The following PTPRR variants were observed in gnomAD, a reference collection of about 807,000 sequenced individuals.
PTPRR encodes the protein receptor-type tyrosine-protein phosphatase R.
In PTPRR, 38 loss-of-function variants were observed where a neutral mutation model predicts 77.2. That is an observed-to-expected ratio of 0.49 (90% CI 0.38 to 0.65). The LOEUF is 0.65. PTPRR is among the 30% of genes least tolerant of loss of function. The pLI, the probability that PTPRR is intolerant of heterozygous loss-of-function variation, is 0.00. For synonymous variants in PTPRR, 299 were observed against 283.1 expected (o/e 1.06, Z -0.57); for missense variants, 744 against 799.2 (o/e 0.93, Z 0.83).
intron 2 of PTPRR, among the ~76,000 whole-genome samples, chr12:70,872,589 G>A (rs1327540759): frequency 3.3e-5 from 5 of 150,832 alleles, no homozygotes; most frequent in Middle Eastern, 3.4e-3. Context: ...CCAGCTACTC[G>A]GGAGGCTGAG....
chr12:70,639,146 A>ACC lies in PTPRR; in HGVS notation c.*36_*37dup. On this transcript the variant is annotated 3_prime_UTR_variant, in exon 14 of 14. Transcript: ENST00000283228. Reference sequence around the variant, plus strand: ...CCTTGGGTGGGTAATTTGATTAATCACCCCAAGAGATTGATGGTCTGACAA... The same window carrying ACC: ...CCTTGGGTGGGTAATTTGATTAATCACCCCCCAAGAGATTGATGGTCTGACAA... 1 of 1,563,084 alleles carries ACC rather than the reference A, an allele frequency of 6.4e-7. No individual in the cohort carries two copies. Among genetic ancestry groups the ACC allele is most frequent in the Non-Finnish European group, 8.8e-7 (1 of 1,141,944 alleles).
At chr12:70,691,799 C>T (rs551022267) in intron 8 of PTPRR, among the ~76,000 whole-genome samples, 3 of 152,254 alleles carry the variant, frequency 2.0e-5, no homozygotes, top group East Asian at 3.9e-4. Flanking sequence ...GTTTGCATGG[C>T]TGTCTTCTTG....
At chr12:70,792,257 A>G (rs190245121) in intron 2 of PTPRR, among the ~76,000 whole-genome samples, 67 of 152,316 alleles carry the variant, frequency 4.4e-4, no homozygotes, top group African/African-American at 1.5e-3. Flanking sequence ...AATAAATGTT[A>G]CCATAAGATA....
intron 8 of PTPRR, among the ~76,000 whole-genome samples, chr12:70,688,113 T>G (rs919354556): frequency 2.0e-5 from 3 of 152,198 alleles, no homozygotes; most frequent in African/African-American, 7.2e-5. Context: ...TTTGTATTCA[T>G]AATGTTGTAT....
intron 2 of PTPRR, among the ~76,000 whole-genome samples, chr12:70,841,445 T>C (rs1234831762): frequency 6.6e-6 from 1 of 152,110 alleles, no homozygotes; most frequent in Admixed American, 6.6e-5. Context: ...CTCAACTCTG[T>C]TGAGTGATTT....
At chr12:70,756,750 T>C (rs1890573588) in intron 4 of PTPRR, among the ~76,000 whole-genome samples, 1 of 152,222 alleles carries the variant, frequency 6.6e-6, no homozygotes, top group African/African-American at 2.4e-5. Context: ...TGATGCACTA[T>C]AGCTCATTCT....
chr12:70,835,742 C>T (rs987770493), intron 2 of PTPRR, among the ~76,000 whole-genome samples: 2 of 152,044 alleles, frequency 1.3e-5, no homozygotes, highest in South Asian at 4.1e-4. Flanking sequence ...GATTTTTCTT[C>T]AAATTTCAGA....
intron 6 of PTPRR, among the ~76,000 whole-genome samples, chr12:70,702,286 A>C (rs1888456377): frequency 6.6e-6 from 1 of 152,072 alleles, no homozygotes; most frequent in African/African-American, 2.4e-5. Context: ...GGTAACTATG[A>C]AATAGCATGT....
intron 3 of PTPRR, among the ~76,000 whole-genome samples, chr12:70,763,159 G>A (rs778580835): frequency 8.6e-5 from 13 of 150,694 alleles, no homozygotes; most frequent in East Asian, 5.8e-4. Flanking sequence ...ATGGAGTTTC[G>A]CTCTTGTTGT....
At position 70,733,428 on chromosome 12, in the gene PTPRR, A is replaced by AAC. The variant is rs1395141427; in HGVS notation, c.1007+12389_1007+12390insGT. 9.7e-4 allele frequency among the ~76,000 whole-genome samples: 6 copies of AAC among 6,204 alleles called. 1 individual carries two copies. Among genetic ancestry groups the AAC allele is most frequent in the Non-Finnish European group, 1.8e-3 (4 of 2,172 alleles). The allele number at this position is 6,204 out of a possible 152,430, so 4.1% of individuals were successfully genotyped here. A position where few individuals can be genotyped will look rare whatever the true frequency, so the allele number is the denominator to read the frequency against. On this transcript the variant is annotated intron_variant, in intron 6 of 13. Coordinates refer to ENST00000283228, the MANE Select transcript of PTPRR (RefSeq NM_002849.4). ...AAAAAAAATACAAACAAACAACAAC[A>AAC]AAAAAAAAAAAAAAAAAGAAAGAAA...
At chr12:70,822,527 C>G (rs1892033397) in intron 2 of PTPRR, among the ~76,000 whole-genome samples, 1 of 152,154 alleles carries the variant, frequency 6.6e-6, no homozygotes. Context: ...TTTTGTGTCT[C>G]TGGTATCAGA....
intron 6 of PTPRR, among the ~76,000 whole-genome samples, chr12:70,723,358 AAG>A (rs1236662889): frequency 6.6e-6 from 1 of 151,810 alleles, no homozygotes; most frequent in African/African-American, 2.4e-5. Context: ...TTCCCCTTTT[AAG>A]CTATTTTGTA....
intron 2 of PTPRR, among the ~76,000 whole-genome samples, chr12:70,805,706 A>C (rs1891697988): frequency 6.6e-6 from 1 of 152,206 alleles, no homozygotes; most frequent in Non-Finnish European, 1.5e-5. Context: ...GAGTTGTCTC[A>C]TTTAATCCTT....
rs750362987 is a variant in PTPRR, at chr12:70,892,967, T to C, written c.69A>G (p.Ser23=). The change falls in exon 2 of 14, where the codon TCA becomes TCG. Residue 23 remains serine (S), a synonymous_variant. Transcript: ENST00000283228. ...LLNLHAAGCF[S]GNNDHFLAIN... ...TTGCCAAAAAATGATCATTGTTTCC[T>C]GAAAAGCACCCTGAAAGAGGGAAGA... is the stretch of plus-strand genomic sequence containing the variant. 2 of 1,612,360 alleles carry C rather than the reference T, an allele frequency of 1.2e-6. No individual in the cohort carries two copies. The highest frequency in any genetic ancestry group is 1.7e-6 in the Non-Finnish European group (2 of 1,178,946).
chr12:70,754,335 T>C, intron 4 of PTPRR, 34 bp from the exon 5 acceptor site: 1 of 1,610,196 alleles, frequency 6.2e-7, no homozygotes, highest in Non-Finnish European at 8.5e-7. Context: ...CGACGTTAAA[T>C]GAGAGCTTGA....
chr12:70,917,830 G>A (rs1235168588), intron 1 of PTPRR, among the ~76,000 whole-genome samples: 4 of 152,068 alleles, frequency 2.6e-5, no homozygotes, highest in Non-Finnish European at 4.4e-5. Flanking sequence ...CTTACATCCC[G>A]TTAGCACATT....
chr12:70,693,545 G>C (rs1281502511), intron 8 of PTPRR, among the ~76,000 whole-genome samples: 2 of 151,966 alleles, frequency 1.3e-5, no homozygotes, highest in Non-Finnish European at 2.9e-5. Context: ...TGTGGAAATG[G>C]GGTCTTATTA....
At chr12:70,810,825 C>A (rs747862047) in intron 2 of PTPRR, among the ~76,000 whole-genome samples, 2 of 152,170 alleles carry the variant, frequency 1.3e-5, no homozygotes, top group African/African-American at 4.8e-5. Flanking sequence ...AAGACAAAAA[C>A]TCTCTGAGCC....
intron 13 of PTPRR, among the ~76,000 whole-genome samples, chr12:70,653,172 A>G (rs1886457786): frequency 6.6e-6 from 1 of 152,096 alleles, no homozygotes; most frequent in Non-Finnish European, 1.5e-5. Context: ...CTACAGAAGC[A>G]CAAATCAGGA....
Sources: allele counts gnomAD v4.1 joint callset (sites outside exome capture counted in the v4.1 genomes callset), GRCh38; gene constraint gnomAD v4.1.1; transcripts MANE v1.5; gene names NCBI Gene and HGNC (gene_info 2026-07-23, HGNC 2026-07-21).